Variants in CNOT3 observed in about 807,000 individuals in gnomAD.
CNOT3 encodes CCR4-NOT transcription complex subunit 3, also known as CCR4-associated factor 3.
CNOT3 carries 2 observed loss-of-function variants against 89.4 expected under a neutral mutation model. The ratio of observed to expected loss-of-function variants is 0.02; its 90% CI spans 0.01 to 0.07. The LOEUF (loss-of-function observed/expected upper bound fraction) is 0.07. CNOT3 is among the 10% of genes least tolerant of loss of function. The probability of loss-of-function intolerance (pLI) is 1.00; values close to 1 mark genes in which losing one functional copy is unlikely to be tolerated. For synonymous variants in CNOT3, 486 were observed against 402.0 expected (o/e 1.21, Z -2.50); for missense variants, 664 against 1,010.2 (o/e 0.66, Z 4.65).
At chr19:54,154,056 C>T (rs1157899725) in intron 17 of CNOT3, 1 of 726,522 alleles carries the variant, frequency 1.4e-6, no homozygotes, top group African/African-American at 1.7e-5. Context: ...CTGTAGGTCT[C>T]AGCCCAAATG....
At position 54,148,840 on chromosome 19, in the gene CNOT3, C is replaced by T. The variant is rs756553929; in HGVS notation, c.1406+97C>T. On this transcript the variant is annotated intron_variant, in intron 12 of 17. Transcript: ENST00000221232. The surrounding 1 kb of genome is among the most constrained non-coding windows in gnomAD (Gnocchi z 6.3). ...CCGCATCGGTGGGTTCTGAACCCCC[C>T]GCCCTTGCTGCTGGGAATGGCCAAG... The T allele has an allele frequency of 2.3e-5, 25 of 1,098,378 alleles. No homozygotes were observed. Among genetic ancestry groups the T allele is most frequent in the African/African-American group, 1.7e-4 (11 of 63,434 alleles). 68.0% of individuals were successfully genotyped at this position (1,098,378 alleles called of 1,614,324 possible).
intron 1 of CNOT3, among the ~76,000 whole-genome samples, chr19:54,138,542 G>A (rs1033070021): frequency 1.3e-5 from 2 of 152,066 alleles, no homozygotes; most frequent in African/African-American, 4.8e-5. Flanking sequence ...ACCCCAGCTG[G>A]GTGGGGGAGT....
rs1320193003 is a variant in CNOT3, at chr19:54,148,727, C to G, written c.1390C>G (p.Pro464Ala). The change falls in exon 12 of 18, where the codon CCA (proline) becomes GCA (alanine). Residue 464 changes from proline (P) to alanine (A), a missense_variant. Physicochemically the swap from Pro to Ala is conservative, Grantham distance 27. This residue lies in a region of CNOT3 where 545 missense variants were observed against 566.2 expected (regional missense o/e 0.96). Coordinates refer to ENST00000221232, the MANE Select transcript of CNOT3 (RefSeq NM_014516.4). The surrounding 1 kb of genome is among the most constrained non-coding windows in gnomAD (Gnocchi z 6.3). ...ALGPPSGPHN[P>A]PPSTSKEPSA... ...GGGCCCCCCTTCCGGCCCCCACAAC[C>G]CACCTCCCAGCACCTCGTGAGTGTC... is the stretch of plus-strand genomic sequence containing the variant. 13 of 1,611,766 alleles carry G rather than the reference C, an allele frequency of 8.1e-6. No homozygotes were observed. The highest frequency in any genetic ancestry group is 1.0e-5 in the Non-Finnish European group (12 of 1,179,432).
In CNOT3 at chr19:54,145,917, G is replaced by A. The variant is rs200821584; in HGVS notation, c.711G>A (p.Ala237=). 1.3e-5 allele frequency: 21 copies of A among 1,613,436 alleles called. No homozygotes were observed. The Admixed American group carries it at 2.7e-4, about 20-fold the overall frequency. Residue 237 remains alanine, a synonymous_variant, in exon 9 of 18, where the codon GCG becomes GCA. Coordinates refer to ENST00000221232, the MANE Select transcript of CNOT3 (RefSeq NM_014516.4). This position sits in a 1 kb window ranked among gnomAD's most constrained non-coding sequence, Gnocchi z 5.9. ...DDLDLEDIPQ[A]LVATSPPSHS... ...CTTCTTCTGCCCCCACAGCACAGGC[G>A]CTGGTCGCCACCTCCCCCCCCAGCC...
rs1294511415 is a variant in CNOT3, at chr19:54,145,545, G to A, written c.484-53G>A. 7.7e-7 allele frequency: 1 copy of A among 1,294,368 alleles called. No individual in the cohort carries two copies. The highest frequency in any genetic ancestry group is 1.2e-5 in the South Asian group (1 of 82,722). The allele number at this position is 1,294,368 out of a possible 1,614,324, so 80.2% of individuals were successfully genotyped here. A position where few individuals can be genotyped will look rare whatever the true frequency, so the allele number is the denominator to read the frequency against. Reference sequence around the variant, plus strand: ...AGGACAGGTTCTGTGGGGGCAGGAGGGGCCAAGCAGGTGCTCTGCAGCCCC... The same window carrying A: ...AGGACAGGTTCTGTGGGGGCAGGAGAGGCCAAGCAGGTGCTCTGCAGCCCC... On this transcript the variant is annotated intron_variant, in intron 7 of 17. Coordinates refer to ENST00000221232, the MANE Select transcript of CNOT3 (RefSeq NM_014516.4). This position sits in a 1 kb window ranked among gnomAD's most constrained non-coding sequence, Gnocchi z 5.9.
chr19:54,151,051 A>G (rs1390042040), intron 13 of CNOT3, among the ~76,000 whole-genome samples: 2 of 152,106 alleles, frequency 1.3e-5, no homozygotes, highest in Admixed American at 1.3e-4. Flanking sequence ...TTGACCTCCC[A>G]AAGTGCTGGG....
intron 1 of CNOT3, among the ~76,000 whole-genome samples, 190 bp downstream of exon 1, chr19:54,138,183 C>T (rs1169406136): frequency 2.6e-5 from 4 of 151,902 alleles, no homozygotes; most frequent in East Asian, 1.9e-4. Flanking sequence ...TCCCTCTCGC[C>T]CTCCCGTTCC....
At position 54,148,874 on chromosome 19, in the gene CNOT3, TC is replaced by T; in HGVS notation, c.1406+133del. On this transcript the variant is annotated intron_variant, in intron 12 of 17. Transcript: ENST00000221232. This position sits in a 1 kb window ranked among gnomAD's most constrained non-coding sequence, Gnocchi z 6.3. The stretch of plus-strand genomic sequence containing the variant: ...TGCTGGGAATGGCCAAGCGCTATCC[TC>T]CATCTCCCTCGGGTGTTACACCCCC... 1.3e-6 allele frequency: 1 copy of T among 742,342 alleles called. No homozygotes were observed. The highest frequency in any genetic ancestry group is 2.2e-6 in the Non-Finnish European group (1 of 460,764). The allele number at this position is 742,342 out of a possible 1,614,324, so 46.0% of individuals were successfully genotyped here. A position where few individuals can be genotyped will look rare whatever the true frequency, so the allele number is the denominator to read the frequency against.
At position 54,148,624 on chromosome 19, in the gene CNOT3, C is replaced by T. The variant is rs1267426964; in HGVS notation, c.1287C>T (p.Tyr429=). The T allele has an allele frequency of 2.5e-6, 4 of 1,610,264 alleles. No homozygotes were observed. Among genetic ancestry groups the T allele is most frequent in the Admixed American group, 3.4e-5 (2 of 59,462 alleles). The change falls in exon 12 of 18, where the codon TAC becomes TAT. Residue 429 remains tyrosine (Y), a synonymous_variant. Coordinates refer to ENST00000221232, the MANE Select transcript of CNOT3 (RefSeq NM_014516.4). The surrounding 1 kb of genome is among the most constrained non-coding windows in gnomAD (Gnocchi z 6.3). ...GAGKQNGATS[Y]SSVVADSPAE... Reference sequence around the variant, plus strand: ...CCATTTACTCTTTGTTCCCAGGTTACAGCTCAGTTGTGGCAGACAGCCCGG... The same window carrying T: ...CCATTTACTCTTTGTTCCCAGGTTATAGCTCAGTTGTGGCAGACAGCCCGG...
chr19:54,155,292 C>T lies in CNOT3; in HGVS notation c.2164-17C>T. 1 of 1,612,524 alleles carries T rather than the reference C, an allele frequency of 6.2e-7. No homozygotes were observed. Among genetic ancestry groups the T allele is most frequent in the Non-Finnish European group, 8.5e-7 (1 of 1,179,522 alleles). On this transcript the variant is annotated splice_polypyrimidine_tract_variant and intron_variant, in intron 17 of 17. Coordinates refer to ENST00000221232, the MANE Select transcript of CNOT3 (RefSeq NM_014516.4). ...CACCTCCTCGTCCACTCACTGACCG[C>T]CTTCTCCCCCGGCCAGGGCACCTAC...
intron 1 of CNOT3, chr19:54,141,948 G>C (rs1044860368): frequency 2.0e-5 from 3 of 152,254 alleles, no homozygotes; most frequent in African/African-American, 7.2e-5. Flanking sequence ...TTGGACTAAA[G>C]CTCCTTGGAA....
chr19:54,151,537 A>G (rs1385223142), intron 13 of CNOT3, among the ~76,000 whole-genome samples: 1 of 152,216 alleles, frequency 6.6e-6, no homozygotes. Flanking sequence ...GACAGGATGG[A>G]TAAGCCTTGG....
intron 15 of CNOT3, 50 bp downstream of exon 15, chr19:54,152,676 G>A (rs1281014100): frequency 1.4e-6 from 2 of 1,469,614 alleles, no homozygotes; most frequent in East Asian, 4.6e-5. Flanking sequence ...GTCTTACGGA[G>A]GAGGCAGTGG....
At chr19:54,142,384 T>A (rs1464524259) in intron 1 of CNOT3, 1 of 154,230 alleles carries the variant, frequency 6.5e-6, no homozygotes, top group Non-Finnish European at 1.4e-5. Flanking sequence ...GCATCTCTGC[T>A]CGCCGTCGTT....
In CNOT3 at chr19:54,144,221, C is replaced by T. The variant is rs1376999153; in HGVS notation, c.388-16C>T. The T allele has an allele frequency of 1.2e-6, 2 of 1,613,716 alleles. No homozygotes were observed. Among genetic ancestry groups the T allele is most frequent in the East Asian group, 2.2e-5 (1 of 44,866 alleles). On this transcript the variant is annotated splice_polypyrimidine_tract_variant and intron_variant, in intron 6 of 17. Transcript: ENST00000221232. The surrounding 1 kb of genome is among the most constrained non-coding windows in gnomAD (Gnocchi z 4.8). The stretch of plus-strand genomic sequence containing the variant: ...AACCCTAGCTGATGGGCTTCCTCTT[C>T]CTCTCCCTCCCCTAGAATACCATCG...
rs969366196 is a variant in CNOT3, at chr19:54,152,251, A to G, written c.1631A>G (p.Lys544Arg). 1 of 1,614,146 alleles carries G rather than the reference A, an allele frequency of 6.2e-7. No individual in the cohort carries two copies. Among genetic ancestry groups the G allele is most frequent in the Non-Finnish European group, 8.5e-7 (1 of 1,180,024 alleles). ...GCCCCTGAGCCTCTGAGCTCCTTGA[A>G]GTCCATGGCGGAACGGGCAGCCATC... ...IKAPEPLSSL[K>R]SMAERAAISS... The change falls in exon 14 of 18, where the codon AAG (lysine) becomes AGG (arginine). Residue 544 changes from lysine to arginine, a missense_variant. This residue lies in a region of CNOT3 where 545 missense variants were observed against 566.2 expected (regional missense o/e 0.96). Transcript: ENST00000221232.
At position 54,144,250 on chromosome 19, in the gene CNOT3, C is replaced by T. The variant is rs138688054; in HGVS notation, c.401C>T (p.Thr134Met). 2.5e-5 allele frequency: 40 copies of T among 1,613,970 alleles called. No homozygotes were observed. The African/African-American group carries it at 4.5e-4, about 18-fold the overall frequency. Residue 134 changes from threonine to methionine, a missense_variant, in exon 7 of 18, where the codon ACG (threonine) becomes ATG (methionine). Around this residue, in one of 8 missense-constraint regions of CNOT3, gnomAD observed 37 missense variants for 79.5 expected, o/e 0.47. Transcript: ENST00000221232. This position sits in a 1 kb window ranked among gnomAD's most constrained non-coding sequence, Gnocchi z 4.8. ...TCCCTCCCCTAGAATACCATCGACA[C>T]GCTCAACATGCAGGTGGACCAGTTT... Reference protein sequence around the residue: ...VGQWLTNTIDTLNMQVDQFES... With the variant: ...VGQWLTNTIDMLNMQVDQFES...
rs1301562353 is a variant in CNOT3 at position 54,152,966 on chromosome 19, C to T, written c.2004C>T (p.Thr668=). ...TGGAATTCTACCAGCGCCTGTCGAC[C>T]GAGACACTCTTCTTCATCTTCTACT... ...DTVEFYQRLS[T]ETLFFIFYYL... The change falls in exon 16 of 18, where the codon ACC becomes ACT. Residue 668 remains threonine, a synonymous_variant. Coordinates refer to ENST00000221232, the MANE Select transcript of CNOT3 (RefSeq NM_014516.4). The T allele has an allele frequency of 1.2e-5, 20 of 1,609,530 alleles. No homozygotes were observed. Among genetic ancestry groups the T allele is most frequent in the African/African-American group, 4.0e-5 (3 of 74,868 alleles).
chr19:54,142,272 T>G (rs146006334), intron 1 of CNOT3: 1 of 153,046 alleles, frequency 6.5e-6, no homozygotes, highest in African/African-American at 2.4e-5. Context: ...TCCTTTTGGT[T>G]TAAGGATCCT....
Sources: allele counts gnomAD v4.1 joint callset (sites outside exome capture counted in the v4.1 genomes callset), GRCh38; gene constraint gnomAD v4.1.1; regional missense constraint gnomAD v4.1.1; non-coding constraint Gnocchi (gnomAD v3.1); transcripts MANE v1.5; gene names NCBI Gene and HGNC (gene_info 2026-07-23, HGNC 2026-07-21).